CPPED1: variants seen among roughly 807,000 people sequenced by gnomAD.
CPPED1 encodes the protein calcineurin like phosphoesterase domain containing 1.
A neutral mutation model predicts 28.0 loss-of-function variants in CPPED1; 28 were observed. The ratio of observed to expected loss-of-function variants is 1.00; its 90% CI spans 0.74 to 1.37. The LOEUF (loss-of-function observed/expected upper bound fraction) is 1.37. Ranked by LOEUF, CPPED1 falls within the 40% of genes most tolerant of loss-of-function variation. The pLI is 0.00. For synonymous variants in CPPED1, 198 were observed against 180.2 expected (o/e 1.10, Z -0.79); for missense variants, 504 against 416.5 (o/e 1.21, Z -1.83).
chr16:12,766,590 T>G (rs954297547), intron 2 of CPPED1, among the ~76,000 whole-genome samples: 1 of 151,878 alleles, frequency 6.6e-6, no homozygotes, highest in Non-Finnish European at 1.5e-5. Context: ...CAATTCAAGA[T>G]GAGATGTGGG....
intron 2 of CPPED1, among the ~76,000 whole-genome samples, chr16:12,710,044 G>A (rs1421666099): frequency 6.6e-6 from 1 of 152,062 alleles, no homozygotes; most frequent in African/African-American, 2.4e-5. Flanking sequence ...AGGGCATACA[G>A]ATTAGAAAGA....
intron 2 of CPPED1, among the ~76,000 whole-genome samples, chr16:12,731,724 CTTT>C (rs921139794): frequency 6.9e-6 from 1 of 144,954 alleles, no homozygotes; most frequent in East Asian, 2.0e-4. Flanking sequence ...CTTTTTCATT[CTTT>C]TTTTTTTTTA....
At chr16:12,795,399 G>A (rs1016313367) in intron 1 of CPPED1, among the ~76,000 whole-genome samples, 13 of 152,156 alleles carry the variant, frequency 8.5e-5, no homozygotes, top group Non-Finnish European at 1.6e-4. Context: ...GAGTACAGTG[G>A]CATGATCTTG....
intron 3 of CPPED1, among the ~76,000 whole-genome samples, chr16:12,675,749 A>G (rs1238478152): frequency 6.6e-6 from 1 of 152,264 alleles, no homozygotes. Flanking sequence ...GTTGCCAGCT[A>G]TAACAGTGAA....
chr16:12,727,621 T>G (rs964039758), intron 2 of CPPED1, among the ~76,000 whole-genome samples: 6 of 152,120 alleles, frequency 3.9e-5, no homozygotes, highest in Non-Finnish European at 7.4e-5. Flanking sequence ...AGTGTAGGGA[T>G]TACAGGCATG....
chr16:12,803,031 T>C (rs1261241355), intron 1 of CPPED1, among the ~76,000 whole-genome samples: 1 of 152,210 alleles, frequency 6.6e-6, no homozygotes, highest in Non-Finnish European at 1.5e-5. Context: ...ACTTAGCACC[T>C]AGCATGCGTC....
intron 1 of CPPED1, among the ~76,000 whole-genome samples, chr16:12,803,397 C>T (rs375921724): frequency 1.3e-5 from 2 of 152,230 alleles, no homozygotes; most frequent in South Asian, 4.1e-4. Flanking sequence ...AGCTTGGAAA[C>T]CAGGTCTCGC....
chr16:12,759,294 T>C (rs962247493), intron 2 of CPPED1: 8 of 152,102 alleles, frequency 5.3e-5, no homozygotes, highest in African/African-American at 1.9e-4. Flanking sequence ...GAGCCCCGCT[T>C]GATGGCAGGT....
intron 3 of CPPED1, among the ~76,000 whole-genome samples, chr16:12,699,452 G>C (rs1451367376): frequency 6.6e-6 from 1 of 152,012 alleles, no homozygotes; most frequent in East Asian, 1.9e-4. Flanking sequence ...ACTCCCGGTG[G>C]TCCACTGCAC....
At chr16:12,698,441 T>C (rs973405776) in intron 3 of CPPED1, among the ~76,000 whole-genome samples, 3 of 152,106 alleles carry the variant, frequency 2.0e-5, no homozygotes, top group Non-Finnish European at 1.5e-5. Context: ...ATTTTTTTTA[T>C]TTATTTTTGA....
chr16:12,720,322 G>C (rs1473025930), intron 2 of CPPED1: 1 of 154,274 alleles, frequency 6.5e-6, no homozygotes, highest in Non-Finnish European at 1.5e-5. Flanking sequence ...GTTCTTTGTA[G>C]CTGTACCTGA....
chr16:12,704,927 T>TGCTCAGCTG lies in CPPED1; in HGVS notation c.411_412insCAGCTGAGC (p.Glu137_Thr138insGlnLeuSer). 6.2e-7 allele frequency: 1 copy of TGCTCAGCTG among 1,614,104 alleles called. No individual in the cohort carries two copies. The highest frequency in any genetic ancestry group is 8.5e-7 in the Non-Finnish European group (1 of 1,180,016). ...CAAGTCCGGCAGAACTCCTCGACGG[T>TGCTCAGCTG]CTCGGCCGTGGGGGTGTTGCCAATG... On this transcript the variant is annotated inframe_insertion, in exon 3 of 4. Transcript: ENST00000381774.
chr16:12,766,647 T>C (rs751224167), intron 2 of CPPED1, among the ~76,000 whole-genome samples: 1 of 152,054 alleles, frequency 6.6e-6, no homozygotes, highest in African/African-American at 2.4e-5. Flanking sequence ...CGGGCACCTG[T>C]AATCCCAGCT....
chr16:12,682,569 A>G lies in CPPED1; in HGVS notation c.716-17454T>C, dbSNP rs1222024416. Among the ~76,000 whole-genome samples, 1 of 152,160 alleles carries G rather than the reference A, an allele frequency of 6.6e-6. No homozygotes were observed. Among genetic ancestry groups the G allele is most frequent in the East Asian group, 1.9e-4 (1 of 5,182 alleles). ...TGAGCTGTGTAGGTGTGGCATGGGCAGCAACATATCTGAACTCCTCATTTG... is the reference window on the plus strand; with the variant it reads ...TGAGCTGTGTAGGTGTGGCATGGGCGGCAACATATCTGAACTCCTCATTTG... On this transcript the variant is annotated intron_variant, in intron 3 of 3. Transcript: ENST00000381774. This position sits in a 1 kb window ranked among gnomAD's most constrained non-coding sequence, Gnocchi z 6.1.
At chr16:12,692,285 G>A (rs1254889317) in intron 3 of CPPED1, among the ~76,000 whole-genome samples, 1 of 152,174 alleles carries the variant, frequency 6.6e-6, no homozygotes, top group Admixed American at 6.5e-5. Flanking sequence ...CCGGTGTGGT[G>A]AACAGAACAA....
At chr16:12,688,495 C>T (rs9935336) in intron 3 of CPPED1, among the ~76,000 whole-genome samples, 35,220 of 151,728 alleles carry the variant, frequency 0.23, 6,762 homozygotes, top group African/African-American at 0.54. Context: ...GCCGCCACCA[C>T]ACCTGGCTAA....
intron 2 of CPPED1, among the ~76,000 whole-genome samples, chr16:12,767,661 G>A (rs569661398): frequency 1.2e-4 from 19 of 152,290 alleles, no homozygotes; most frequent in African/African-American, 2.9e-4. Flanking sequence ...AGAAACCTAC[G>A]CCGAGAAATT....
intron 3 of CPPED1, among the ~76,000 whole-genome samples, chr16:12,696,177 T>C (rs536150513): frequency 4.7e-4 from 71 of 152,020 alleles, no homozygotes; most frequent in Admixed American, 1.2e-3. Context: ...AGTTGATCAT[T>C]ATTTTCCCTT....
chr16:12,742,096 A>C (rs1380102501), intron 2 of CPPED1, among the ~76,000 whole-genome samples: 1 of 152,012 alleles, frequency 6.6e-6, no homozygotes, highest in Non-Finnish European at 1.5e-5. Context: ...TAAATAAATA[A>C]AATACTGCAA....
Sources: gnomAD v4.1 joint callset for allele counts (sites outside exome capture counted in the v4.1 genomes callset) on GRCh38, gnomAD v4.1.1 for gene constraint, Gnocchi (gnomAD v3.1) non-coding constraint, MANE v1.5 for transcripts, NCBI Gene and HGNC (gene_info 2026-07-23, HGNC 2026-07-21) for gene names.